Variants in RGS6 observed in about 807,000 individuals in gnomAD.
The protein encoded by RGS6 is regulator of G protein signaling 6, also known as regulator of G-protein signaling 6.
In RGS6, 30 loss-of-function variants were observed where a neutral mutation model predicts 78.5. The observed-to-expected ratio is 0.38, with a 90% CI of 0.29 to 0.52. The LOEUF (loss-of-function observed/expected upper bound fraction) is 0.52, where lower values mean the gene tolerates loss of function less well. Ranked by LOEUF, RGS6 falls within the 20% of genes least tolerant of loss-of-function variation. RGS6 has a pLI of 0.85. For synonymous variants in RGS6, 206 were observed against 206.0 expected (o/e 1.00, Z 0.00); for missense variants, 495 against 609.7 (o/e 0.81, Z 1.98).
At chr14:72,462,625 G>A (rs143885117) in intron 6 of RGS6, among the ~76,000 whole-genome samples, 2,007 of 152,270 alleles carry the variant, frequency 0.013, 17 homozygotes, top group Non-Finnish European at 0.021. Context: ...CACCTAAAAC[G>A]GTACTTGGCC....
chr14:72,118,919 T>C (rs1030515095), intron 2 of RGS6, among the ~76,000 whole-genome samples: 1 of 152,240 alleles, frequency 6.6e-6, no homozygotes, highest in African/African-American at 2.4e-5. Flanking sequence ...GTTTCCTTTT[T>C]CCCAAAATTT....
At chr14:72,178,582 A>G (rs370705719) in intron 2 of RGS6, among the ~76,000 whole-genome samples, 37 of 152,308 alleles carry the variant, frequency 2.4e-4, no homozygotes, top group African/African-American at 8.4e-4. Flanking sequence ...TTGTCTTTCT[A>G]TTCTTGGTTC....
At chr14:72,415,726 T>C (rs2093761514) in intron 3 of RGS6, among the ~76,000 whole-genome samples, 1 of 152,260 alleles carries the variant, frequency 6.6e-6, no homozygotes, top group Non-Finnish European at 1.5e-5. Flanking sequence ...ATGCACAACA[T>C]TGGCCATTAG....
chr14:71,989,656 A>G (rs1272836691), intron 2 of RGS6, among the ~76,000 whole-genome samples: 1 of 152,146 alleles, frequency 6.6e-6, no homozygotes, highest in Non-Finnish European at 1.5e-5. Flanking sequence ...CCTGTACACT[A>G]CTTCCCATGG....
the RGS6 span, among the ~76,000 whole-genome samples, chr14:71,914,103 C>A: frequency 6.6e-6 from 1 of 152,188 alleles, no homozygotes; most frequent in Non-Finnish European, 1.5e-5. Flanking sequence ...GTGCCGTGCG[C>A]CCTGGCTTTG....
chr14:72,226,483 T>C (rs2048148990), intron 2 of RGS6, among the ~76,000 whole-genome samples: 1 of 152,228 alleles, frequency 6.6e-6, no homozygotes, highest in Admixed American at 6.5e-5. Context: ...ACTTTTCTAT[T>C]AGCTATGGCT....
At chr14:72,531,043 G>C (rs977565013) in intron 15 of RGS6, among the ~76,000 whole-genome samples, 3 of 152,172 alleles carry the variant, frequency 2.0e-5, no homozygotes, top group Non-Finnish European at 2.9e-5. Flanking sequence ...CTGGATTTTT[G>C]TCTGAAATTT....
intron 3 of RGS6, among the ~76,000 whole-genome samples, chr14:72,385,436 T>G (rs1322470143): frequency 6.6e-6 from 1 of 152,242 alleles, no homozygotes; most frequent in East Asian, 1.9e-4. Flanking sequence ...CCAAGTCTCC[T>G]TGGTGTTTCT....
intron 2 of RGS6, among the ~76,000 whole-genome samples, chr14:72,096,856 A>G (rs2095419384): frequency 2.6e-5 from 4 of 152,348 alleles, no homozygotes; most frequent in East Asian, 1.9e-4. Context: ...ACCTAGAGGC[A>G]TGGTTCATTA....
At chr14:71,936,456 C>G (rs1467389986) in intron 1 of RGS6, among the ~76,000 whole-genome samples, 2 of 152,076 alleles carry the variant, frequency 1.3e-5, no homozygotes, top group African/African-American at 4.8e-5. Flanking sequence ...ACGGACACAC[C>G]CAGGATCAAT....
chr14:72,239,182 C>T (rs1056435796), intron 2 of RGS6, among the ~76,000 whole-genome samples: 11 of 152,124 alleles, frequency 7.2e-5, no homozygotes, highest in African/African-American at 2.7e-4. Context: ...CTAGGATTCC[C>T]ATGATTCCTC....
At chr14:72,322,594 G>A (rs896295883) in intron 2 of RGS6, among the ~76,000 whole-genome samples, 9 of 152,078 alleles carry the variant, frequency 5.9e-5, no homozygotes, top group Admixed American at 5.2e-4. Context: ...ACACAAAAAA[G>A]CAAACTAAGG....
intron 2 of RGS6, among the ~76,000 whole-genome samples, chr14:72,112,228 A>G (rs1453630022): frequency 6.6e-6 from 1 of 152,152 alleles, no homozygotes; most frequent in Non-Finnish European, 1.5e-5. Flanking sequence ...AACACATGCC[A>G]TGTAGTTAGT....
At chr14:72,351,070 A>G (rs897761116) in intron 2 of RGS6, among the ~76,000 whole-genome samples, 5 of 152,178 alleles carry the variant, frequency 3.3e-5, no homozygotes, top group Non-Finnish European at 5.9e-5. Context: ...TGTTAGAATA[A>G]GTGAGCTGTA....
intron 2 of RGS6, among the ~76,000 whole-genome samples, chr14:72,088,539 G>GCTA (rs1196690105): frequency 4.6e-5 from 7 of 152,168 alleles, no homozygotes; most frequent in African/African-American, 1.4e-4. Context: ...TTGACATCAA[G>GCTA]CTACCATCAT....
chr14:72,535,388 A>G (rs1367638576), intron 15 of RGS6, among the ~76,000 whole-genome samples: 1 of 152,138 alleles, frequency 6.6e-6, no homozygotes, highest in Admixed American at 6.5e-5. Context: ...CTGTTTTTTT[A>G]AATTAAACTT....
intron 2 of RGS6, among the ~76,000 whole-genome samples, chr14:72,081,848 TCTC>T (rs2094838427): frequency 6.6e-6 from 1 of 152,082 alleles, no homozygotes; most frequent in South Asian, 2.1e-4. Flanking sequence ...ACCTACTTCT[TCTC>T]GTAATTTTTT....
intron 17 of RGS6, among the ~76,000 whole-genome samples, chr14:72,542,580 T>C (rs556611419): frequency 6.6e-6 from 1 of 152,342 alleles, no homozygotes; most frequent in South Asian, 2.1e-4. Context: ...ATGGGGCTAA[T>C]AATGGAAACA....
intron 2 of RGS6, among the ~76,000 whole-genome samples, chr14:72,110,624 T>C (rs2095738101): frequency 6.6e-6 from 1 of 152,230 alleles, no homozygotes; most frequent in Non-Finnish European, 1.5e-5. Flanking sequence ...TTTCTCTTAC[T>C]TGTGCAAACA....
Sources: gnomAD v4.1 joint callset for allele counts (sites outside exome capture counted in the v4.1 genomes callset) on GRCh38, gnomAD v4.1.1 for gene constraint, MANE v1.5 for transcripts, NCBI Gene and HGNC (gene_info 2026-07-23, HGNC 2026-07-21) for gene names.